Variants in KANK1 observed in about 807,000 individuals in gnomAD.
The protein encoded by KANK1 is KN motif and ankyrin repeat domains 1, also known as KN motif and ankyrin repeat domain-containing protein 1.
Under a neutral mutation model 106.2 loss-of-function variants are expected in KANK1, and 109 were observed. The ratio of observed to expected loss-of-function variants is 1.03; its 90% CI spans 0.88 to 1.20. The LOEUF is 1.20. Ranked by LOEUF, KANK1 falls within the 50% of genes most tolerant of loss-of-function variation. KANK1 has a pLI of 0.00. For synonymous variants in KANK1, 873 were observed against 652.2 expected (o/e 1.34, Z -5.16); for missense variants, 2,399 against 1,710.7 (o/e 1.40, Z -7.10).
At chr9:730,287 T>C (rs1831853355) in intron 4 of KANK1, 39 bp downstream of exon 4, 1 of 1,588,588 alleles carries the variant, frequency 6.3e-7, no homozygotes, top group African/African-American at 1.3e-5. Flanking sequence ...ATCAGGATTC[T>C]AGGGCCAGCA....
In KANK1 at chr9:495,959, G is replaced by C. The variant is rs144219531; in HGVS notation, c.-362+22686G>C. Among the ~76,000 whole-genome samples, 39 of 149,286 alleles carry C rather than the reference G, an allele frequency of 2.6e-4. 1 individual carries two copies. In the East Asian group the frequency reaches 7.0e-3, roughly 27 times the overall value. On this transcript the variant is annotated intron_variant, in intron 3 of 15. Transcript: ENST00000382303. ...ACTCAGTGTAAAGTTATCATCACTA[G>C]CATAATTAAACACACACACACACAC...
At chr9:742,542 C>G in intron 10 of KANK1, 137 bp downstream of exon 10, 1 of 633,028 alleles carries the variant, frequency 1.6e-6, no homozygotes, top group Non-Finnish European at 2.7e-6. Context: ...CTAGGTGCCT[C>G]CCTTCACAGC....
chr9:503,243 G>A (rs1217500902), upstream of KANK1, among the ~76,000 whole-genome samples: 1 of 151,944 alleles, frequency 6.6e-6, no homozygotes, highest in Non-Finnish European at 1.5e-5. Context: ...ATTTGGGGCG[G>A]GGTGGTGGTG....
chr9:500,440 T>G (rs1027315805), upstream of KANK1, among the ~76,000 whole-genome samples: 1 of 152,220 alleles, frequency 6.6e-6, no homozygotes, highest in African/African-American at 2.4e-5. Context: ...CTTCAGTTGA[T>G]GAGCAAGTTG....
chr9:474,871 T>C (rs1422320363), intron 3 of KANK1, among the ~76,000 whole-genome samples: 3 of 152,170 alleles, frequency 2.0e-5, no homozygotes. Context: ...TACCATTTTC[T>C]CAGGACTCCT....
At chr9:628,255 C>G (rs1216020322) in intron 1 of KANK1, among the ~76,000 whole-genome samples, 1 of 152,154 alleles carries the variant, frequency 6.6e-6, no homozygotes, top group Non-Finnish European at 1.5e-5. Flanking sequence ...TTGATTGACT[C>G]TGCCTGTCTC....
chr9:724,967 A>T (rs892573041), intron 3 of KANK1, among the ~76,000 whole-genome samples: 1 of 152,172 alleles, frequency 6.6e-6, no homozygotes, highest in African/African-American at 2.4e-5. Flanking sequence ...CACATTAGGC[A>T]TTTCATATTT....
intron 1 of KANK1, among the ~76,000 whole-genome samples, chr9:558,273 G>C (rs963433039): frequency 6.6e-6 from 1 of 152,194 alleles, no homozygotes; most frequent in Admixed American, 6.5e-5. Flanking sequence ...AGGGGAAATA[G>C]AGGATAATTT....
chr9:640,421 A>G (rs1242539018), intron 1 of KANK1, among the ~76,000 whole-genome samples: 1 of 149,376 alleles, frequency 6.7e-6, no homozygotes, highest in East Asian at 2.0e-4. Context: ...TTTTTTATAC[A>G]GAGTCAGTCT....
At chr9:611,518 A>G (rs932880597) in intron 1 of KANK1, among the ~76,000 whole-genome samples, 19 of 152,182 alleles carry the variant, frequency 1.2e-4, no homozygotes, top group African/African-American at 4.6e-4. Flanking sequence ...CTGAATCCAA[A>G]CAAGCCACTG....
chr9:496,861 CAT>C (rs1371553659), intron 3 of KANK1, among the ~76,000 whole-genome samples: 3 of 152,162 alleles, frequency 2.0e-5, no homozygotes, highest in Non-Finnish European at 4.4e-5. Context: ...GGTTTGTACA[CAT>C]AATCCCTCTA....
In KANK1 at chr9:595,585, G is replaced by C. The variant is rs145914871; in HGVS notation, c.-83-81305G>C. The stretch of plus-strand genomic sequence containing the variant: ...CTGTTGCCCAGGCTAGAGAGCAGTG[G>C]CGTGATCATTGCTTACTGAAGCCTC... On this transcript the variant is annotated intron_variant, in intron 1 of 11. Transcript: ENST00000382297. Among the ~76,000 whole-genome samples, 9 of 151,928 alleles carry C rather than the reference G, an allele frequency of 5.9e-5. 1 individual carries two copies. Among genetic ancestry groups the C allele is most frequent in the Middle Eastern group, 3.4e-3 (1 of 294 alleles).
At chr9:597,686 C>T (rs1554642480) in intron 1 of KANK1, among the ~76,000 whole-genome samples, 1 of 150,806 alleles carries the variant, frequency 6.6e-6, no homozygotes, top group Non-Finnish European at 1.5e-5. Context: ...TTTTTTTAGA[C>T]AGAGTCTTGC....
At chr9:546,573 C>T (rs2060940515) in intron 1 of KANK1, among the ~76,000 whole-genome samples, 1 of 152,066 alleles carries the variant, frequency 6.6e-6, no homozygotes, top group Non-Finnish European at 1.5e-5. Flanking sequence ...CCTTGCCTCT[C>T]CTACCTCTCT....
At chr9:609,351 G>T (rs1830054324) in intron 1 of KANK1, among the ~76,000 whole-genome samples, 1 of 152,096 alleles carries the variant, frequency 6.6e-6, no homozygotes, top group African/African-American at 2.4e-5. Context: ...CAATAGGCTG[G>T]GCATCGTGGC....
intron 1 of KANK1, among the ~76,000 whole-genome samples, chr9:528,095 T>C (rs1348658226): frequency 6.7e-6 from 1 of 149,546 alleles, no homozygotes; most frequent in Non-Finnish European, 1.5e-5. Flanking sequence ...ATCGTGCCAC[T>C]GCACTCCATC....
In KANK1 at chr9:712,726, G is replaced by A; in HGVS notation, c.1960G>A (p.Ala654Thr). The A allele has an allele frequency of 1.2e-6, 2 of 1,613,944 alleles. No individual in the cohort carries two copies. The highest frequency in any genetic ancestry group is 1.7e-6 in the Non-Finnish European group (2 of 1,179,940). Residue 654 changes from alanine to threonine, a missense_variant, in exon 3 of 12, where the codon GCT becomes ACT. Transcript: ENST00000382297. ...CGCCTCCCGGGGCGTGAACACTGAG[G>A]CTGTTAGCCAGGTGGAAGCTGCCGT... The part of the protein sequence containing the change: ...ECASRGVNTE[A>T]VSQVEAAVMA...
At position 732,552 on chromosome 9, in the gene KANK1, T is replaced by C; in HGVS notation, c.3180T>C (p.Ser1060=). ...CAGTTAATATTGAAGGTTTGAAGTCTGCCAGGGTGGAAGATGAAATGCAGG... is the reference window on the plus strand; with the variant it reads ...CAGTTAATATTGAAGGTTTGAAGTCCGCCAGGGTGGAAGATGAAATGCAGG... ...HHAVNIEGLK[S]ARVEDEMQVQ... The change falls in exon 6 of 12, where the codon TCT becomes TCC. Residue 1060 remains serine, a synonymous_variant. Coordinates refer to ENST00000382297, the MANE Select transcript of KANK1 (RefSeq NM_015158.5). The C allele has an allele frequency of 6.2e-7, 1 of 1,614,190 alleles. No individual in the cohort carries two copies. Among genetic ancestry groups the C allele is most frequent in the South Asian group, 1.1e-5 (1 of 91,082 alleles).
intron 1 of KANK1, among the ~76,000 whole-genome samples, chr9:529,522 G>T (rs1342413615): frequency 6.6e-6 from 1 of 151,718 alleles, no homozygotes; most frequent in Non-Finnish European, 1.5e-5. Context: ...TAAAATGTGT[G>T]TATATGATCA....
Sources: allele counts gnomAD v4.1 joint callset (sites outside exome capture counted in the v4.1 genomes callset), GRCh38; gene constraint gnomAD v4.1.1; transcripts MANE v1.5; gene names NCBI Gene and HGNC (gene_info 2026-07-23, HGNC 2026-07-21).